Variants in MYOC observed in about 807,000 individuals in gnomAD.
MYOC encodes the protein myocilin, also known as juvenile-onset open-angle glaucoma 1.
MYOC carries 29 observed loss-of-function variants against 28.2 expected under a neutral mutation model. The observed-to-expected ratio is 1.03, with a 90% CI of 0.77 to 1.40. The LOEUF (loss-of-function observed/expected upper bound fraction) is 1.40, where lower values mean the gene tolerates loss of function less well. Ranked by LOEUF, MYOC falls within the 40% of genes most tolerant of loss-of-function variation. The pLI is 0.00. For synonymous variants in MYOC, 240 were observed against 245.6 expected, an observed-to-expected ratio of 0.98 and a Z score of 0.21; for missense variants, 569 against 620.6, an observed-to-expected ratio of 0.92 and a Z score of 0.88.
rs1439485874 is a variant in MYOC, at chr1:171,636,049, G to A, written c.1391C>T (p.Thr464Ile). 9.9e-6 allele frequency: 16 copies of A among 1,614,206 alleles called. No individual in the cohort carries two copies. The highest frequency in any genetic ancestry group is 1.4e-5 in the Non-Finnish European group (16 of 1,180,032). ...DTGTGISKTL[T>I]IPFKNRYKYS... ...CTTATAGCGGTTCTTGAATGGGATG[G>A]TCAGGGTCTTGCTGATACCTGTGCC... is the stretch of plus-strand genomic sequence containing the variant. Residue 464 changes from threonine (T) to isoleucine (I), a missense_variant, in exon 3 of 3, where the codon ACC (threonine) becomes ATC (isoleucine). Coordinates refer to ENST00000037502, the MANE Select transcript of MYOC (RefSeq NM_000261.2).
chr1:171,645,633 C>A (rs1653183061), intron 1 of MYOC, among the ~76,000 whole-genome samples: 1 of 152,228 alleles, frequency 6.6e-6, no homozygotes. Flanking sequence ...TATCTCCCGA[C>A]TGGACCCAGA....
chr1:171,636,857 C>G (rs542522501), intron 2 of MYOC, 148 bp from the exon 3 acceptor site: 2 of 843,866 alleles, frequency 2.4e-6, no homozygotes, highest in Non-Finnish European at 3.9e-6. Context: ...CTCTACCACC[C>G]GCTGGCTGTG....
At chr1:171,649,084 G>T (rs1258199562) in intron 1 of MYOC, among the ~76,000 whole-genome samples, 1 of 151,728 alleles carries the variant, frequency 6.6e-6, no homozygotes, top group East Asian at 1.9e-4. Flanking sequence ...AGAAGAAAAA[G>T]TTATATATAA....
At position 171,638,614 on chromosome 1, in the gene MYOC, C is replaced by A. The variant is rs557741584; in HGVS notation, c.713G>T (p.Ser238Ile). ...LKESPSGYLR[S>I]GEGDTGCGEL... ...CTTCATACCGGTGTCTCCCTCTCCA[C>A]TCCTGAGATAGCCAGATGGGCTCTC... Residue 238 changes from serine (S) to isoleucine (I), a missense_variant, in exon 2 of 3, where the codon AGT becomes ATT. Physicochemically the swap from Ser to Ile is moderately radical, Grantham distance 142 (BLOSUM62 -2). Coordinates refer to ENST00000037502, the MANE Select transcript of MYOC (RefSeq NM_000261.2). 1 of 1,614,186 alleles carries A rather than the reference C, an allele frequency of 6.2e-7. No homozygotes were observed. Among genetic ancestry groups the A allele is most frequent in the South Asian group, 1.1e-5 (1 of 91,092 alleles).
chr1:171,648,120 C>G (rs1271797749), intron 1 of MYOC, among the ~76,000 whole-genome samples: 4 of 150,928 alleles, frequency 2.7e-5, no homozygotes, highest in Non-Finnish European at 5.9e-5. Flanking sequence ...ACCCAGGAGG[C>G]GGAGGTTGCA....
chr1:171,636,833 G>A, intron 2 of MYOC, 124 bp from the exon 3 acceptor site: 1 of 1,084,494 alleles, frequency 9.2e-7, no homozygotes, highest in Non-Finnish European at 1.4e-6. Flanking sequence ...AAATCGTCTG[G>A]GTTTAAAGCT....
Position 171,636,332 on chromosome 1 carries a change from G to A in MYOC, c.1108C>T (p.Pro370Ser), listed in dbSNP as rs1003013455. ...IPGAGYHGQF[P>S]YSWGGYTDID... ...TCCGTGTAGCCACCCCAAGAATACG[G>A]GAACTGTCCGTGGTAGCCAGCTCCA... Residue 370 changes from proline to serine, a missense_variant, in exon 3 of 3, where the codon CCG becomes TCG. Physicochemically the swap from Pro to Ser is moderately conservative, Grantham distance 74 (BLOSUM62 -1). Transcript: ENST00000037502. 6.2e-7 allele frequency: 1 copy of A among 1,613,826 alleles called. No individual in the cohort carries two copies. The highest frequency in any genetic ancestry group is 8.5e-7 in the Non-Finnish European group (1 of 1,180,006).
In MYOC at chr1:171,652,286, C is replaced by T; in HGVS notation, c.326G>A (p.Arg109Lys). The T allele has an allele frequency of 6.2e-7, 1 of 1,612,980 alleles. No homozygotes were observed. Among genetic ancestry groups the T allele is most frequent in the Non-Finnish European group, 8.5e-7 (1 of 1,179,350 alleles). ...CAGCCCCTCCTGGGTCTCCTGGGGC[C>T]TGGCAGCCTGGTCCAAGGTCAATTG... ...LHQLTLDQAARPQETQEGLQR... is the reference protein window; with the variant it reads ...LHQLTLDQAAKPQETQEGLQR... Residue 109 changes from arginine to lysine, a missense_variant, in exon 1 of 3, where the codon AGG (arginine) becomes AAG (lysine). Transcript: ENST00000037502.
rs762123496 is a variant in MYOC, at chr1:171,638,734, G to C, written c.605-12C>G. ...ATTCCACGTAGAAACTGCATTAAAAGAAAGAGACAAAATTTTACTGTAAGA... is the reference window on the plus strand; with the variant it reads ...ATTCCACGTAGAAACTGCATTAAAACAAAGAGACAAAATTTTACTGTAAGA... On this transcript the variant is annotated splice_polypyrimidine_tract_variant and intron_variant, in intron 1 of 2. Coordinates refer to ENST00000037502, the MANE Select transcript of MYOC (RefSeq NM_000261.2). The C allele has an allele frequency of 6.2e-7, 1 of 1,613,762 alleles. No homozygotes were observed.
intron 1 of MYOC, among the ~76,000 whole-genome samples, chr1:171,643,988 AAAAAAGG>A (rs1316380389): frequency 1.4e-5 from 2 of 143,582 alleles, no homozygotes; most frequent in African/African-American, 5.1e-5. Flanking sequence ...AAAAAAAAAA[AAAAAAGG>A]AGTTGGTTTC....
Position 171,649,253 on chromosome 1 carries a change from G to C in MYOC, c.604+2755C>G, listed in dbSNP as rs181330344. 1.6e-4 allele frequency among the ~76,000 whole-genome samples: 25 copies of C among 152,196 alleles called. No homozygotes were observed. In the East Asian group the frequency reaches 1.9e-3, roughly 12 times the overall value. Reference sequence around the variant, plus strand: ...TTGAGTTGCAGGTGGAATACAGAAAGGCTGCCTTCTCAGGCCTTACCTTTG... The same window carrying C: ...TTGAGTTGCAGGTGGAATACAGAAACGCTGCCTTCTCAGGCCTTACCTTTG... On this transcript the variant is annotated intron_variant, in intron 1 of 2. Coordinates refer to ENST00000037502, the MANE Select transcript of MYOC (RefSeq NM_000261.2).
intron 1 of MYOC, among the ~76,000 whole-genome samples, chr1:171,649,862 T>A (rs76868060): frequency 0.01 from 1,579 of 152,210 alleles, 23 homozygotes; most frequent in African/African-American, 0.036. Context: ...TGCCACTAAC[T>A]GGTAGATGGC....
chr1:171,651,061 A>G (rs919687646), intron 1 of MYOC, among the ~76,000 whole-genome samples: 3 of 152,164 alleles, frequency 2.0e-5, no homozygotes, highest in African/African-American at 7.2e-5. Flanking sequence ...CCCTTGGATG[A>G]AGACACCAAT....
chr1:171,649,416 T>C (rs1273299302), intron 1 of MYOC, among the ~76,000 whole-genome samples: 1 of 152,204 alleles, frequency 6.6e-6, no homozygotes, highest in Non-Finnish European at 1.5e-5. Context: ...GAAACAGATC[T>C]TTTGTTCCAA....
intron 1 of MYOC, among the ~76,000 whole-genome samples, chr1:171,648,877 A>G (rs1653287034): frequency 6.6e-6 from 1 of 150,414 alleles, no homozygotes; most frequent in South Asian, 2.1e-4. Flanking sequence ...AGTAGAGACA[A>G]GTTTTCACCA....
Position 171,652,091 on chromosome 1 carries a change from C to G in MYOC, c.521G>C (p.Ser174Thr). The change falls in exon 1 of 3, where the codon AGC becomes ACC. Residue 174 changes from serine (S) to threonine (T), a missense_variant. Physicochemically the swap from Ser to Thr is moderately conservative, Grantham distance 58 (BLOSUM62 1). Coordinates refer to ENST00000037502, the MANE Select transcript of MYOC (RefSeq NM_000261.2). Reference protein sequence around the residue: ...ENLARRLESSSQEVARLRRGQ... With the variant: ...ENLARRLESSTQEVARLRRGQ... ...CCTTCTCAGCCTTGCTACCTCCTGGCTGCTGCTTTCCAACCTCCTGGCCAG... is the reference window on the plus strand; with the variant it reads ...CCTTCTCAGCCTTGCTACCTCCTGGGTGCTGCTTTCCAACCTCCTGGCCAG... 6.2e-7 allele frequency: 1 copy of G among 1,614,214 alleles called. No homozygotes were observed. Among genetic ancestry groups the G allele is most frequent in the Non-Finnish European group, 8.5e-7 (1 of 1,180,050 alleles).
At position 171,652,308 on chromosome 1, in the gene MYOC, A is replaced by G. The variant is rs140017103; in HGVS notation, c.304T>C (p.Leu102=). The change falls in exon 1 of 3, where the codon TTG becomes CTG. Residue 102 remains leucine (L), a synonymous_variant. Transcript: ENST00000037502. Reference sequence around the variant, plus strand: ...GGCCTGGCAGCCTGGTCCAAGGTCAATTGGTGGAGGAGGCTCTCCAGGGAG... The same window carrying G: ...GGCCTGGCAGCCTGGTCCAAGGTCAGTTGGTGGAGGAGGCTCTCCAGGGAG... The part of the protein sequence containing the change: ...LSSLESLLHQ[L]TLDQAARPQE... 5.6e-6 allele frequency: 9 copies of G among 1,610,958 alleles called. No individual in the cohort carries two copies. The highest frequency in any genetic ancestry group is 2.2e-5 in the East Asian group (1 of 44,822).
At position 171,652,039 on chromosome 1, in the gene MYOC, A is replaced by T. The variant is rs145981631; in HGVS notation, c.573T>A (p.Thr191=). 6.8e-6 allele frequency: 11 copies of T among 1,614,080 alleles called. No homozygotes were observed. Among genetic ancestry groups the T allele is most frequent in the Non-Finnish European group, 8.5e-6 (10 of 1,180,046 alleles). ...RRGQCPQTRD[T]ARAVPPGSRE... The stretch of plus-strand genomic sequence containing the variant: ...TGGAGCCTGGTGGCACAGCCCGAGC[A>T]GTGTCTCGGGTCTGGGGACACTGGC... The change falls in exon 1 of 3, where the codon ACT becomes ACA. Residue 191 remains threonine (T), a synonymous_variant. Transcript: ENST00000037502.
intron 1 of MYOC, among the ~76,000 whole-genome samples, chr1:171,643,022 T>C (rs1445873029): frequency 6.6e-6 from 1 of 152,154 alleles, no homozygotes; most frequent in African/African-American, 2.4e-5. Flanking sequence ...ACAATCTGAA[T>C]GGCTCCTGGA....
Sources: allele counts gnomAD v4.1 joint callset (sites outside exome capture counted in the v4.1 genomes callset), GRCh38; gene constraint gnomAD v4.1.1; transcripts MANE v1.5; gene names NCBI Gene and HGNC (gene_info 2026-07-23, HGNC 2026-07-21).